Variants in ACVR1 observed in about 807,000 individuals in gnomAD.
ACVR1 encodes the protein activin receptor type-1.
A neutral mutation model predicts 57.1 loss-of-function variants in ACVR1; 38 were observed. The ratio of observed to expected loss-of-function variants is 0.67; its 90% confidence interval spans 0.51 to 0.87. The LOEUF (loss-of-function observed/expected upper bound fraction) is 0.87. ACVR1 is among the 40% of genes least tolerant of loss of function. ACVR1 has a pLI of 0.00. For synonymous variants in ACVR1, 212 were observed against 228.1 expected (o/e 0.93, Z 0.63); for missense variants, 463 against 638.2 (o/e 0.73, Z 2.96).
At chr2:157,748,769 G>C (rs1251060448) in intron 9 of ACVR1, among the ~76,000 whole-genome samples, 1 of 151,960 alleles carries the variant, frequency 6.6e-6, no homozygotes, top group African/African-American at 2.4e-5. Flanking sequence ...CCACCTAAAG[G>C]CATGCCAATT....
intron 1 of ACVR1, among the ~76,000 whole-genome samples, chr2:157,823,861 T>A (rs915561993): frequency 6.6e-6 from 1 of 152,246 alleles, no homozygotes; most frequent in African/African-American, 2.4e-5. Flanking sequence ...AGGAGAAAAC[T>A]TGAGGCAACA....
intron 1 of ACVR1, among the ~76,000 whole-genome samples, chr2:157,832,909 A>C (rs1399939487): frequency 6.6e-6 from 1 of 152,148 alleles, no homozygotes; most frequent in Non-Finnish European, 1.5e-5. Context: ...AATTAATACA[A>C]TCTATATTTA....
chr2:157,793,104 CCTT>C (rs953189633), intron 3 of ACVR1, among the ~76,000 whole-genome samples: 1 of 152,168 alleles, frequency 6.6e-6, no homozygotes, highest in Non-Finnish European at 1.5e-5. Context: ...TGCCTACAAA[CCTT>C]CTGCTTTACA....
chr2:157,774,209 A>G (rs758300851), intron 5 of ACVR1, 22 bp from the exon 6 acceptor site: 1 of 1,596,838 alleles, frequency 6.3e-7, no homozygotes, highest in South Asian at 1.1e-5. Context: ...GACAAGGGGG[A>G]AAAGAAACGA....
In ACVR1 at chr2:157,760,116, GA is replaced by G. The variant is rs538958112; in HGVS notation, c.1264+763del. 4.6e-5 allele frequency among the ~76,000 whole-genome samples: 7 copies of G among 152,230 alleles called. No homozygotes were observed. The East Asian group carries it at 1.2e-3, about 25-fold the overall frequency. On this transcript the variant is annotated intron_variant, in intron 9 of 10. Coordinates refer to ENST00000434821, the MANE Select transcript of ACVR1 (RefSeq NM_001111067.4). ...AGGCAGAGCAATCAAGCAAGACAAAGAAATAAAATACATTCAATGTGGAAAA... is the reference window on the plus strand; with the variant it reads ...AGGCAGAGCAATCAAGCAAGACAAAGAATAAAATACATTCAATGTGGAAAA...
intron 2 of ACVR1, among the ~76,000 whole-genome samples, chr2:157,805,943 C>A (rs563786556): frequency 2.0e-4 from 30 of 151,234 alleles, no homozygotes; most frequent in African/African-American, 7.0e-4. Flanking sequence ...GCTGCCTCAG[C>A]CCCTCAAGTA....
chr2:157,813,418 C>A lies in ACVR1; in HGVS notation c.-8+4967G>T, dbSNP rs1687821988. 2.0e-5 allele frequency among the ~76,000 whole-genome samples: 3 copies of A among 152,152 alleles called. No homozygotes were observed. In the South Asian group the frequency reaches 6.2e-4, roughly 32 times the overall value. On this transcript the variant is annotated intron_variant, in intron 2 of 10. Transcript: ENST00000434821. ...ATTTTCCACTAAAATCCCTTCTTTC[C>A]TTCTTCTTGGGTACAAGGCGGCCAA...
chr2:157,738,899 G>A (rs1684642141), intron 9 of ACVR1, among the ~76,000 whole-genome samples: 1 of 152,158 alleles, frequency 6.6e-6, no homozygotes, highest in African/African-American at 2.4e-5. Flanking sequence ...TGGAGACATA[G>A]AACAAAAATT....
At chr2:157,860,430 G>A (rs898127228) in intron 1 of ACVR1, among the ~76,000 whole-genome samples, 2 of 152,214 alleles carry the variant, frequency 1.3e-5, no homozygotes, top group African/African-American at 4.8e-5. Context: ...GGTATTAACA[G>A]CTGTGAGGCT....
chr2:157,835,966 A>G (rs1360744873), intron 1 of ACVR1, among the ~76,000 whole-genome samples: 1 of 152,236 alleles, frequency 6.6e-6, no homozygotes, highest in African/African-American at 2.4e-5. Flanking sequence ...CAAGAATACC[A>G]TGGAGCCTTT....
rs1323957522 is a variant in ACVR1 at position 157,826,767 on chromosome 2, AAAGGAAAGGAAAGGAAAGG to A, written c.-182-8227_-182-8209del. ...AAAGGAAAGGAAAGGAAAGGAAAGG[AAAGGAAAGGAAAGGAAAGG>A]AAAGGGAAAGGGAAAAGGAAAAGGA... is the stretch of plus-strand genomic sequence containing the variant. On this transcript the variant is annotated intron_variant, in intron 1 of 10. Coordinates refer to ENST00000434821, the MANE Select transcript of ACVR1 (RefSeq NM_001111067.4). The A allele has an allele frequency of 3.3e-4, 26 of 78,598 alleles. 2 individuals are homozygous for A. Among genetic ancestry groups the A allele is most frequent in the South Asian group, 1.3e-3 (3 of 2,254 alleles). 4.9% of individuals were successfully genotyped at this position (78,598 alleles called of 1,614,324 possible).
chr2:157,876,189 G>A lies in ACVR1; in HGVS notation c.-576C>T, dbSNP rs1690289831. ...AAACTTCCCGAGGCGCAGAGGCTCG[G>A]GCTGGGAGCACGACCGCGGGCGGGG... On this transcript the variant is annotated 5_prime_UTR_variant, in exon 1 of 11. Transcript: ENST00000434821. Among the ~76,000 whole-genome samples, 5 of 150,458 alleles carry A rather than the reference G, an allele frequency of 3.3e-5. No individual in the cohort carries two copies. The highest frequency in any genetic ancestry group is 2.6e-4 in the Admixed American group (4 of 15,184).
At position 157,765,844 on chromosome 2, in the gene ACVR1, G is replaced by C. The variant is rs1206092050; in HGVS notation, c.1066+77C>G. 11 of 1,462,046 alleles carry C rather than the reference G, an allele frequency of 7.5e-6. No homozygotes were observed. In the East Asian group the frequency reaches 2.1e-4, roughly 27 times the overall value. The allele number at this position is 1,462,046 out of a possible 1,614,324, so 90.6% of individuals were successfully genotyped here. On this transcript the variant is annotated intron_variant, in intron 8 of 10. Transcript: ENST00000434821. ...TTTGAAATTTTGCATAACATGTTGT[G>C]GGGGAGAGATGCAACTCACCTAACC... is the stretch of plus-strand genomic sequence containing the variant.
chr2:157,774,049 T>C (rs762419024), intron 6 of ACVR1, 39 bp downstream of exon 6: 4 of 1,554,192 alleles, frequency 2.6e-6, no homozygotes, highest in East Asian at 2.2e-5. Flanking sequence ...AAAACTAACA[T>C]TGCATATTAC....
At chr2:157,744,791 G>A (rs926781039) in intron 9 of ACVR1, among the ~76,000 whole-genome samples, 2 of 152,224 alleles carry the variant, frequency 1.3e-5, no homozygotes, top group South Asian at 4.1e-4. Flanking sequence ...CATGACTAAT[G>A]AATAAATGGA....
intron 2 of ACVR1, among the ~76,000 whole-genome samples, chr2:157,804,627 T>C (rs1321350072): frequency 6.6e-6 from 1 of 152,188 alleles, no homozygotes; most frequent in Non-Finnish European, 1.5e-5. Context: ...GATAAGACCG[T>C]CTATCCCTGG....
At chr2:157,741,629 A>AG (rs998869332) in intron 9 of ACVR1, among the ~76,000 whole-genome samples, 1 of 151,296 alleles carries the variant, frequency 6.6e-6, no homozygotes, top group African/African-American at 2.4e-5. Flanking sequence ...GTCTCCAAAA[A>AG]GAAAAAAAAA....
chr2:157,766,969 G>A (rs1167025746), intron 7 of ACVR1, among the ~76,000 whole-genome samples: 1 of 152,202 alleles, frequency 6.6e-6, no homozygotes, highest in Non-Finnish European at 1.5e-5. Context: ...AACTCAACTG[G>A]TCTTGAAGTA....
intron 2 of ACVR1, among the ~76,000 whole-genome samples, chr2:157,803,219 T>C (rs559451939): frequency 3.3e-5 from 5 of 152,138 alleles, no homozygotes; most frequent in Admixed American, 6.5e-5. Flanking sequence ...CAGATTATCA[T>C]TGTGCGAACA....
Sources: allele counts gnomAD v4.1 joint callset (sites outside exome capture counted in the v4.1 genomes callset), GRCh38; gene constraint gnomAD v4.1.1; transcripts MANE v1.5; gene names NCBI Gene and HGNC (gene_info 2026-07-23, HGNC 2026-07-21).